FBXO46: variants seen among roughly 807,000 people sequenced by gnomAD.
FBXO46 encodes the protein F-box protein 46.
A neutral mutation model predicts 30.7 loss-of-function variants in FBXO46; 13 were observed. The ratio of observed to expected loss-of-function variants is 0.42; its 90% CI spans 0.28 to 0.67. The LOEUF (loss-of-function observed/expected upper bound fraction) is 0.67, where lower values mean the gene tolerates loss of function less well. Among genes scored for constraint, FBXO46 ranks in the 30% least tolerant of loss-of-function variants. The pLI, the probability that FBXO46 is intolerant of heterozygous loss-of-function variation, is 0.21. For missense variants in FBXO46, 754 were observed against 871.5 expected (o/e 0.87, Z 1.70); for synonymous variants, 467 against 385.8 (o/e 1.21, Z -2.47).
intron 1 of FBXO46, among the ~76,000 whole-genome samples, chr19:45,726,836 T>C (rs140852406): frequency 8.5e-4 from 129 of 152,112 alleles, no homozygotes; most frequent in African/African-American, 1.3e-3. Context: ...ATAAAAATCA[T>C]AGAAAGACCT....
At position 45,730,880 on chromosome 19, in the gene FBXO46, G is replaced by C. The variant is rs1968300776; in HGVS notation, c.-110C>G. ...CGCGCGCTGCATCTCCCTCGGCTAC[G>C]CGGGTTTCCCCCACTCGCTCCTCTC... On this transcript the variant is annotated 5_prime_UTR_variant, in exon 1 of 2. Coordinates refer to ENST00000317683, the MANE Select transcript of FBXO46 (RefSeq NM_001080469.2). 1 of 152,242 alleles carries C rather than the reference G, an allele frequency of 6.6e-6. No individual in the cohort carries two copies. The highest frequency in any genetic ancestry group is 1.9e-4 in the East Asian group (1 of 5,192). 9.4% of individuals were successfully genotyped at this position (152,242 alleles called of 1,614,324 possible). A position where few individuals can be genotyped will look rare whatever the true frequency, so the allele number is the denominator to read the frequency against.
In FBXO46 at chr19:45,712,299, C is replaced by G. The variant is rs1017954021; in HGVS notation, c.1197G>C (p.Pro399=). 9 of 1,602,148 alleles carry G rather than the reference C, an allele frequency of 5.6e-6. No homozygotes were observed. The African/African-American group carries it at 6.7e-5, about 12-fold the overall frequency. The part of the protein sequence containing the change: ...KEETVCLTVS[P]EEPPPPGQLF... ...GCTGGCCCGGAGGCGGCGGTTCCTC[C>G]GGGCTGACCGTCAGGCACACAGTCT... Residue 399 remains proline, a synonymous_variant, in exon 2 of 2, where the codon CCG becomes CCC. Coordinates refer to ENST00000317683, the MANE Select transcript of FBXO46 (RefSeq NM_001080469.2). This position sits in a 1 kb window ranked among gnomAD's most constrained non-coding sequence, Gnocchi z 8.8.
At chr19:45,719,350 G>A (rs1968141562) in intron 1 of FBXO46, among the ~76,000 whole-genome samples, 1 of 152,120 alleles carries the variant, frequency 6.6e-6, no homozygotes, top group Admixed American at 6.6e-5. Context: ...CTCTACATGA[G>A]TCCCTAGGGC....
Position 45,712,485 on chromosome 19 carries a change from G to T in FBXO46, c.1011C>A (p.Asp337Glu). 3.7e-6 allele frequency: 6 copies of T among 1,607,214 alleles called. No homozygotes were observed. The highest frequency in any genetic ancestry group is 5.1e-6 in the Non-Finnish European group (6 of 1,176,666). Residue 337 changes from aspartate (D) to glutamate (E), a missense_variant, in exon 2 of 2, where the codon GAC becomes GAA. This residue lies in a region of FBXO46 where 454 missense variants were observed against 426.5 expected (regional missense o/e 1.06). Transcript: ENST00000317683. This position sits in a 1 kb window ranked among gnomAD's most constrained non-coding sequence, Gnocchi z 8.8. ...LARADEASEG[D>E]SPAPARPEDT... The stretch of plus-strand genomic sequence containing the variant: ...CCTCAGGCCTGGCGGGTGCCGGGCT[G>T]TCACCCTCACTGGCCTCATCCGCCC...
At chr19:45,717,097 G>A (rs1040777386) in intron 1 of FBXO46, 1 of 152,156 alleles carries the variant, frequency 6.6e-6, no homozygotes, top group Non-Finnish European at 1.5e-5. Context: ...TTAAGCGCGA[G>A]AGAACCCCAA....
At chr19:45,720,709 T>C (rs994985117) in intron 1 of FBXO46, among the ~76,000 whole-genome samples, 1 of 152,020 alleles carries the variant, frequency 6.6e-6, no homozygotes. Flanking sequence ...TCCTCCACCT[T>C]GGCCTCCCCA....
Position 45,727,052 on chromosome 19 carries a change from G to A in FBXO46, c.-79+3797C>T, listed in dbSNP as rs1327196116. Among the ~76,000 whole-genome samples the A allele has an allele frequency of 2.0e-5, 3 of 151,986 alleles. No individual in the cohort carries two copies. In the East Asian group the frequency reaches 5.8e-4, roughly 30 times the overall value. On this transcript the variant is annotated intron_variant, in intron 1 of 1. Transcript: ENST00000317683. ...GCGGGTGGATCACTTGAGGTCAGGA[G>A]TTCAAGATCAGCCTGGGCAACGTGG...
In FBXO46 at chr19:45,711,860, G is replaced by A. The variant is rs745615697; in HGVS notation, c.1636C>T (p.Arg546Cys). The change falls in exon 2 of 2, where the codon CGC (arginine) becomes TGC (cysteine). Residue 546 changes from arginine to cysteine, a missense_variant. This residue lies in a region of FBXO46 where 162 missense variants were observed against 258.7 expected (regional missense o/e 0.63). Transcript: ENST00000317683. ...TGGTGGTAGGGCTTGGGGTGCCAGC[G>A]GCAGAGCGACACGTCGCCCTTCTCG... ...RYEKGDVSLCRWHPKPYHHDL... is the reference protein window; with the variant it reads ...RYEKGDVSLCCWHPKPYHHDL... 1.2e-6 allele frequency: 2 copies of A among 1,613,572 alleles called. No individual in the cohort carries two copies. The highest frequency in any genetic ancestry group is 1.3e-5 in the African/African-American group (1 of 74,932).
intron 1 of FBXO46, among the ~76,000 whole-genome samples, chr19:45,719,480 A>G (rs1481960067): frequency 1.3e-5 from 2 of 152,224 alleles, no homozygotes; most frequent in African/African-American, 4.8e-5. Context: ...TGACAGCCAT[A>G]AACTTACAAA....
chr19:45,714,342 A>T (rs1968055119), intron 1 of FBXO46: 1 of 152,142 alleles, frequency 6.6e-6, no homozygotes, highest in African/African-American at 2.4e-5. Flanking sequence ...ATCTGAGGTC[A>T]GATTCAGACA....
rs1254663841 is a variant in FBXO46 at position 45,712,639 on chromosome 19, G to A, written c.857C>T (p.Pro286Leu). 1 of 1,606,768 alleles carries A rather than the reference G, an allele frequency of 6.2e-7. No homozygotes were observed. The highest frequency in any genetic ancestry group is 1.7e-5 in the Admixed American group (1 of 58,994). Residue 286 changes from proline to leucine, a missense_variant, in exon 2 of 2, where the codon CCT becomes CTT. Around this residue, in one of 5 missense-constraint regions of FBXO46, gnomAD observed 454 missense variants for 426.5 expected, o/e 1.06. Transcript: ENST00000317683. The surrounding 1 kb of genome is among the most constrained non-coding windows in gnomAD (Gnocchi z 8.8). ...SGLPSGGGGRPGCAYPGSPGP... is the reference protein window; with the variant it reads ...SGLPSGGGGRLGCAYPGSPGP... Reference sequence around the variant, plus strand: ...TGGGCTGCCAGGGTAGGCACAACCAGGCCTGCCCCCGCCCCCACTGGGCAG... The same window carrying A: ...TGGGCTGCCAGGGTAGGCACAACCAAGCCTGCCCCCGCCCCCACTGGGCAG...
At chr19:45,731,458 A>G (rs1441883036), upstream of FBXO46, among the ~76,000 whole-genome samples, 2 of 151,760 alleles carry the variant, frequency 1.3e-5, no homozygotes, top group African/African-American at 2.4e-5. Context: ...CTGGGATTAC[A>G]GGAGCCCGCC....
rs753800301 is a variant in FBXO46 at position 45,712,968 on chromosome 19, C to T, written c.528G>A (p.Val176=). 2 of 1,581,258 alleles carry T rather than the reference C, an allele frequency of 1.3e-6. No homozygotes were observed. Among genetic ancestry groups the T allele is most frequent in the African/African-American group, 2.7e-5 (2 of 74,170 alleles). ...DVDLLSVAEM[V]ALVEQRAALA... is the part of the protein sequence containing the mutation. ...GGGCTGCCCGCTGTTCCACCAGGGC[C>T]ACCATCTCGGCCACAGAGAGCAGGT... The change falls in exon 2 of 2, where the codon GTG becomes GTA. Residue 176 remains valine, a synonymous_variant. Coordinates refer to ENST00000317683, the MANE Select transcript of FBXO46 (RefSeq NM_001080469.2). This position sits in a 1 kb window ranked among gnomAD's most constrained non-coding sequence, Gnocchi z 8.8.
At position 45,712,611 on chromosome 19, in the gene FBXO46, A is replaced by C. The variant is rs1353959387; in HGVS notation, c.885T>G (p.Gly295=). Residue 295 remains glycine, a synonymous_variant, in exon 2 of 2, where the codon GGT becomes GGG. Coordinates refer to ENST00000317683, the MANE Select transcript of FBXO46 (RefSeq NM_001080469.2). The surrounding 1 kb of genome is among the most constrained non-coding windows in gnomAD (Gnocchi z 8.8). ...TCTTGTCCTTGGCTCGGGCCCCAGG[A>C]CCTGGGCTGCCAGGGTAGGCACAAC... ...RPGCAYPGSP[G]PGARAKDKIT... 4 of 1,595,242 alleles carry C rather than the reference A, an allele frequency of 2.5e-6. No homozygotes were observed. The South Asian group carries it at 4.5e-5, about 18-fold the overall frequency.
Position 45,711,650 on chromosome 19 carries a change from G to A in FBXO46, c.*34C>T, listed in dbSNP as rs2146141522. Reference sequence around the variant, plus strand: ...CTCCCGGGGGGAGAGGGGAGGGGTGGGCGTGGTGGGCTCTCCCCTCCCCTC... The same window carrying A: ...CTCCCGGGGGGAGAGGGGAGGGGTGAGCGTGGTGGGCTCTCCCCTCCCCTC... On this transcript the variant is annotated 3_prime_UTR_variant, in exon 2 of 2. Coordinates refer to ENST00000317683, the MANE Select transcript of FBXO46 (RefSeq NM_001080469.2). 6.8e-7 allele frequency: 1 copy of A among 1,477,394 alleles called. No homozygotes were observed. Among genetic ancestry groups the A allele is most frequent in the East Asian group, 2.5e-5 (1 of 40,494 alleles). 91.5% of individuals were successfully genotyped at this position (1,477,394 alleles called of 1,614,324 possible).
At position 45,711,641 on chromosome 19, in the gene FBXO46, G is replaced by A; in HGVS notation, c.*43C>T. On this transcript the variant is annotated 3_prime_UTR_variant, in exon 2 of 2. Coordinates refer to ENST00000317683, the MANE Select transcript of FBXO46 (RefSeq NM_001080469.2). The stretch of plus-strand genomic sequence containing the variant: ...GACCCTCGGCTCCCGGGGGGAGAGG[G>A]GAGGGGTGGGCGTGGTGGGCTCTCC... 1 of 1,436,470 alleles carries A rather than the reference G, an allele frequency of 7.0e-7. No homozygotes were observed. Among genetic ancestry groups the A allele is most frequent in the South Asian group, 1.2e-5 (1 of 81,910 alleles). 89.0% of individuals were successfully genotyped at this position (1,436,470 alleles called of 1,614,324 possible). A position where few individuals can be genotyped will look rare whatever the true frequency, so the allele number is the denominator to read the frequency against.
intron 1 of FBXO46, among the ~76,000 whole-genome samples, chr19:45,721,553 CTT>C (rs35101456): frequency 2.0e-4 from 22 of 110,778 alleles, no homozygotes; most frequent in East Asian, 8.5e-4. Flanking sequence ...GGTCCTGTTC[CTT>C]TTTTTTTTTT....
In FBXO46 at chr19:45,712,529, C is replaced by T; in HGVS notation, c.967G>A (p.Val323Met). Residue 323 changes from valine to methionine, a missense_variant, in exon 2 of 2, where the codon GTG (valine) becomes ATG (methionine). Physicochemically the swap from Val to Met is conservative, Grantham distance 21 (BLOSUM62 1). Transcript: ENST00000317683. The surrounding 1 kb of genome is among the most constrained non-coding windows in gnomAD (Gnocchi z 8.8). The part of the protein sequence containing the change: ...SPSRDALPSN[V>M]EFLLARADEA... ...TCCGCCCTGGCCAGCAGGAACTCCA[C>T]GTTGCTGGGGAGGGCATCCCGCGAG... The T allele has an allele frequency of 2.5e-6, 4 of 1,601,128 alleles. No individual in the cohort carries two copies. The highest frequency in any genetic ancestry group is 1.1e-5 in the South Asian group (1 of 89,604).
In FBXO46 at chr19:45,713,561, C is replaced by A; in HGVS notation, c.-66G>T. On this transcript the variant is annotated 5_prime_UTR_variant, in exon 2 of 2. Transcript: ENST00000317683. The surrounding 1 kb of genome is among the most constrained non-coding windows in gnomAD (Gnocchi z 4.7). ...TCAGGACCTAGGTGGTGGTGGGAGG[C>A]TCCACATGCCACCTGGAGACACGAA... The A allele has an allele frequency of 7.6e-7, 1 of 1,316,014 alleles. No individual in the cohort carries two copies. Among genetic ancestry groups the A allele is most frequent in the Middle Eastern group, 2.8e-4 (1 of 3,604 alleles). 81.5% of individuals were successfully genotyped at this position (1,316,014 alleles called of 1,614,324 possible).
Sources: gnomAD v4.1 joint callset for allele counts (sites outside exome capture counted in the v4.1 genomes callset) on GRCh38, gnomAD v4.1.1 for gene constraint, gnomAD v4.1.1 regional missense constraint, Gnocchi (gnomAD v3.1) non-coding constraint, MANE v1.5 for transcripts, NCBI Gene and HGNC (gene_info 2026-07-23, HGNC 2026-07-21) for gene names.